Variants in NCALD observed in about 807,000 individuals in gnomAD.
NCALD encodes neurocalcin delta.
A neutral mutation model predicts 18.6 loss-of-function variants in NCALD; 10 were observed. That is an observed-to-expected ratio of 0.54 (90% CI 0.33 to 0.91). The LOEUF is 0.91. Ranked by LOEUF, NCALD falls within the 40% of genes least tolerant of loss-of-function variation. The pLI, the probability that NCALD is intolerant of heterozygous loss-of-function variation, is 0.03. For missense variants in NCALD, 184 were observed against 247.6 expected (o/e 0.74, Z 1.72); for synonymous variants, 88 against 87.4 (o/e 1.01, Z -0.04).
At chr8:101,774,162 T>A (rs996143763) in intron 1 of NCALD, among the ~76,000 whole-genome samples, 1 of 152,228 alleles carries the variant, frequency 6.6e-6, no homozygotes, top group East Asian at 1.9e-4. Flanking sequence ...ATGGCTGCTA[T>A]TCTCTCCTTC....
At chr8:101,783,088 A>G (rs1812081744) in intron 1 of NCALD, among the ~76,000 whole-genome samples, 1 of 152,242 alleles carries the variant, frequency 6.6e-6, no homozygotes, top group Non-Finnish European at 1.5e-5. Flanking sequence ...AATGAGGAAC[A>G]GCTGGAGAAA....
At chr8:101,882,388 C>G (rs1816522653) in intron 4 of NCALD, among the ~76,000 whole-genome samples, 1 of 151,992 alleles carries the variant, frequency 6.6e-6, no homozygotes, top group Admixed American at 6.6e-5. Flanking sequence ...GTCTCTTTTC[C>G]CCTTCCACCA....
chr8:101,896,719 G>T (rs1264975), intron 3 of NCALD, among the ~76,000 whole-genome samples: 1 of 136,006 alleles, frequency 7.4e-6, no homozygotes, highest in Non-Finnish European at 1.5e-5. Flanking sequence ...ATGAACAGAC[G>T]CTTCTCAAAA....
chr8:102,087,564 AAG>A (rs1309155387), intron 1 of NCALD, among the ~76,000 whole-genome samples: 2 of 152,206 alleles, frequency 1.3e-5, no homozygotes, highest in African/African-American at 4.8e-5. Context: ...GGCCCAACTT[AAG>A]AAGGTTAGAA....
intron 1 of NCALD, among the ~76,000 whole-genome samples, chr8:102,099,516 T>C (rs533853422): frequency 6.6e-6 from 1 of 152,094 alleles, no homozygotes; most frequent in Non-Finnish European, 1.5e-5. Flanking sequence ...CATATCAAGA[T>C]ATACAATTGA....
At chr8:102,060,348 C>A (rs887049987) in intron 1 of NCALD, among the ~76,000 whole-genome samples, 1 of 152,174 alleles carries the variant, frequency 6.6e-6, no homozygotes, top group African/African-American at 2.4e-5. Context: ...CTTTGAGAAT[C>A]AATGTTCTAG....
At chr8:101,843,654 GC>G (rs1426363042) in intron 4 of NCALD, among the ~76,000 whole-genome samples, 38 of 140,808 alleles carry the variant, frequency 2.7e-4, no homozygotes, top group African/African-American at 9.5e-4. Flanking sequence ...TCAGCTCACA[GC>G]AACTTCCACC....
chr8:101,698,801 C>T (rs1815123215), intron 2 of NCALD, among the ~76,000 whole-genome samples: 1 of 152,050 alleles, frequency 6.6e-6, no homozygotes, highest in Non-Finnish European at 1.5e-5. Flanking sequence ...AAAGACTTAA[C>T]TGTAAAACCC....
At chr8:101,908,410 G>A (rs981031193) in intron 3 of NCALD, among the ~76,000 whole-genome samples, 2 of 152,070 alleles carry the variant, frequency 1.3e-5, no homozygotes, top group East Asian at 3.9e-4. Flanking sequence ...ACTTTCCTAA[G>A]TCACATATTT....
At position 101,871,480 on chromosome 8, in the gene NCALD, C is replaced by A. The variant is rs566210743; in HGVS notation, c.-20+15661G>T. 1.1e-4 allele frequency among the ~76,000 whole-genome samples: 16 copies of A among 152,248 alleles called. No homozygotes were observed. In the South Asian group the frequency reaches 3.1e-3, roughly 30 times the overall value. On this transcript the variant is annotated intron_variant, in intron 4 of 6. Transcript: ENST00000311028. ...ATACATGCTAGAACCCAACACAGTT[C>A]CCCTCAACAGGGCTGGGACCATCTG...
rs79699927 is a variant in NCALD at position 101,955,481 on chromosome 8, G to A, written c.-156-39623C>T. ...AATAATTAGGAAGCTGAGACATCTGGGGTCTAAAATGTGACTCTTACCCAT... is the reference window on the plus strand; with the variant it reads ...AATAATTAGGAAGCTGAGACATCTGAGGTCTAAAATGTGACTCTTACCCAT... On this transcript the variant is annotated intron_variant, in intron 2 of 6. Transcript: ENST00000311028. 9.2e-3 allele frequency among the ~76,000 whole-genome samples: 1,404 copies of A among 152,176 alleles called. 15 individuals carry two copies. Among genetic ancestry groups the A allele is most frequent in the Middle Eastern group, 0.027 (8 of 294 alleles).
intron 1 of NCALD, among the ~76,000 whole-genome samples, chr8:101,732,648 G>C (rs1490336458): frequency 8.5e-6 from 1 of 117,002 alleles, no homozygotes; most frequent in Non-Finnish European, 1.6e-5. Context: ...CTGTCTCCCA[G>C]ACTGGAGTGC....
At chr8:102,022,274 G>C (rs965657485) in intron 1 of NCALD, among the ~76,000 whole-genome samples, 9 of 152,212 alleles carry the variant, frequency 5.9e-5, no homozygotes, top group South Asian at 2.1e-4. Flanking sequence ...GATCATCTCT[G>C]AGTCCCCACA....
chr8:102,004,537 T>G (rs1270705528), intron 2 of NCALD, among the ~76,000 whole-genome samples: 25 of 151,796 alleles, frequency 1.6e-4, no homozygotes, highest in East Asian at 1.9e-4. Flanking sequence ...TACTTTAAAG[T>G]TCATATGGAA....
intron 4 of NCALD, among the ~76,000 whole-genome samples, chr8:101,841,983 C>CACT (rs1436288620): frequency 3.9e-5 from 6 of 152,182 alleles, no homozygotes; most frequent in African/African-American, 1.4e-4. Flanking sequence ...AAGTACCACA[C>CACT]ACTAAGTGGC....
At chr8:101,742,080 T>G (rs1810220142) in intron 1 of NCALD, among the ~76,000 whole-genome samples, 1 of 135,200 alleles carries the variant, frequency 7.4e-6, no homozygotes, top group South Asian at 2.6e-4. Context: ...AGCGAAACTC[T>G]GTCTCTACTG....
intron 4 of NCALD, among the ~76,000 whole-genome samples, chr8:101,809,079 C>T (rs1253798300): frequency 6.6e-6 from 1 of 151,850 alleles, no homozygotes; most frequent in Non-Finnish European, 1.5e-5. Flanking sequence ...TCCAGGAGTC[C>T]CTAAAGAAGA....
chr8:101,761,492 A>G (rs78216970), intron 1 of NCALD, among the ~76,000 whole-genome samples: 6,957 of 152,234 alleles, frequency 0.046, 382 homozygotes, highest in African/African-American at 0.13. Flanking sequence ...TTTTGGCAGT[A>G]TAATAAAAAC....
intron 2 of NCALD, among the ~76,000 whole-genome samples, chr8:102,003,088 G>T (rs1471053941): frequency 1.3e-5 from 2 of 152,082 alleles, no homozygotes; most frequent in African/African-American, 4.8e-5. Flanking sequence ...AATGAATCCA[G>T]GAGCTGGTTT....
Sources: allele counts gnomAD v4.1 joint callset (sites outside exome capture counted in the v4.1 genomes callset), GRCh38; gene constraint gnomAD v4.1.1; transcripts MANE v1.5; gene names NCBI Gene and HGNC (gene_info 2026-07-23, HGNC 2026-07-21).